N4BP3: variants seen among roughly 807,000 people sequenced by gnomAD.
The protein encoded by N4BP3 is NEDD4-binding protein 3.
N4BP3 carries 33 observed loss-of-function variants against 43.8 expected under a neutral mutation model. The ratio of observed to expected loss-of-function variants is 0.75; its 90% confidence interval spans 0.57 to 1.01. N4BP3 has a LOEUF of 1.01. Among genes scored for constraint, N4BP3 ranks in the 50% least tolerant of loss-of-function variants. The pLI is 0.00. For synonymous variants in N4BP3, 326 were observed against 321.9 expected, an observed-to-expected ratio of 1.01 and a Z score of -0.14; for missense variants, 756 against 744.2, an observed-to-expected ratio of 1.02 and a Z score of -0.18.
At chr5:178,119,143 C>T (rs965320056) in intron 1 of N4BP3, among the ~76,000 whole-genome samples, 16 of 152,304 alleles carry the variant, frequency 1.1e-4, no homozygotes, top group African/African-American at 2.9e-4. Flanking sequence ...GGATTACAGG[C>T]GTGAGCCACC....
Position 178,121,704 on chromosome 5 carries a change from C to T in N4BP3, c.1338C>T (p.Asp446=). ...EEAPGSCETD[D]CKSRGLLGEA... ...CCCCAGGCAGCTGTGAGACTGATGACTGCAAGAGCAGGGGCCTGCTAGGGG... is the reference window on the plus strand; with the variant it reads ...CCCCAGGCAGCTGTGAGACTGATGATTGCAAGAGCAGGGGCCTGCTAGGGG... Residue 446 remains aspartate (D), a synonymous_variant, in exon 5 of 5, where the codon GAC becomes GAT. Transcript: ENST00000274605. The T allele has an allele frequency of 6.2e-7, 1 of 1,610,228 alleles. No homozygotes were observed. The highest frequency in any genetic ancestry group is 8.5e-7 in the Non-Finnish European group (1 of 1,179,888).
At position 178,119,751 on chromosome 5, in the gene N4BP3, C is replaced by T. The variant is rs769910480; in HGVS notation, c.168C>T (p.Leu56=). Residue 56 remains leucine (L), a synonymous_variant, in exon 2 of 5, where the codon CTC becomes CTT. Coordinates refer to ENST00000274605, the MANE Select transcript of N4BP3 (RefSeq NM_015111.2). ...LRKGLGQREF[L]SYLHLPKKDS... ...AGGGCTTGGGCCAGCGTGAGTTCCT[C>T]AGCTACCTGCACCTCCCCAAGAAGG... is the stretch of plus-strand genomic sequence containing the variant. The T allele has an allele frequency of 4.3e-6, 7 of 1,613,462 alleles. No homozygotes were observed. The South Asian group carries it at 4.4e-5, about 10-fold the overall frequency.
intron 1 of N4BP3, among the ~76,000 whole-genome samples, chr5:178,114,156 C>T (rs2113274610): frequency 1.3e-5 from 2 of 152,336 alleles, no homozygotes; most frequent in Middle Eastern, 3.4e-3. Context: ...GGCCCAGCCG[C>T]TCCCGGCAGG....
chr5:178,119,454 GT>G, intron 1 of N4BP3, 99 bp from the exon 2 acceptor site: 1 of 842,226 alleles, frequency 1.2e-6, no homozygotes, highest in Admixed American at 3.1e-5. Flanking sequence ...CCTGGGCAAG[GT>G]TGTGGGGAGC....
Position 178,122,062 on chromosome 5 carries a change from C to A in N4BP3, c.*61C>A. ...AGAAGGTGCCCTGAGACGGCCGGCTCAGCCTTCCCTTGCACTGGTTGGGGT... is the reference window on the plus strand; with the variant it reads ...AGAAGGTGCCCTGAGACGGCCGGCTAAGCCTTCCCTTGCACTGGTTGGGGT... On this transcript the variant is annotated 3_prime_UTR_variant, in exon 5 of 5. Transcript: ENST00000274605. The A allele has an allele frequency of 6.7e-7, 1 of 1,501,146 alleles. No individual in the cohort carries two copies. The highest frequency in any genetic ancestry group is 8.9e-7 in the Non-Finnish European group (1 of 1,126,692). The allele number at this position is 1,501,146 out of a possible 1,614,324, so 93.0% of individuals were successfully genotyped here.
At chr5:178,126,264 C>T (rs973823300), downstream of N4BP3, among the ~76,000 whole-genome samples, 26 of 110,004 alleles carry the variant, frequency 2.4e-4, no homozygotes, top group Admixed American at 1.1e-3. Context: ...CTGCAACCTC[C>T]GCCTCCCGAG....
In N4BP3 at chr5:178,122,249, GC is replaced by G. The variant is rs1211670248; in HGVS notation, c.*251del. On this transcript the variant is annotated 3_prime_UTR_variant, in exon 5 of 5. Transcript: ENST00000274605. ...AGCCCTGCTTCCTGGAGTGGATGTG[GC>G]CCAGAGAAGGAGGCTGGGGGATCAC... is the stretch of plus-strand genomic sequence containing the variant. 9 of 473,740 alleles carry G rather than the reference GC, an allele frequency of 1.9e-5. No individual in the cohort carries two copies. In the Admixed American group the frequency reaches 2.3e-4, roughly 12 times the overall value. The allele number at this position is 473,740 out of a possible 1,614,324, so 29.3% of individuals were successfully genotyped here. A position where few individuals can be genotyped will look rare whatever the true frequency, so the allele number is the denominator to read the frequency against.
rs746335535 is a variant in N4BP3 at position 178,120,270 on chromosome 5, G to A, written c.423G>A (p.Lys141=). The A allele has an allele frequency of 1.9e-6, 3 of 1,610,628 alleles. No individual in the cohort carries two copies. The highest frequency in any genetic ancestry group is 2.2e-5 in the South Asian group (2 of 90,916). Residue 141 remains lysine, a synonymous_variant, in exon 3 of 5, where the codon AAG becomes AAA. Coordinates refer to ENST00000274605, the MANE Select transcript of N4BP3 (RefSeq NM_015111.2). ...GTCTGGCGTCCCACAAAGGCCAGAA[G>A]CTGTGGCGCAGCAATGGCAGCCTGC... ...MQSLASHKGQ[K]LWRSNGSLHT...
chr5:178,115,448 G>T (rs1216884354), intron 1 of N4BP3, among the ~76,000 whole-genome samples: 2 of 152,190 alleles, frequency 1.3e-5, no homozygotes, highest in Non-Finnish European at 2.9e-5. Flanking sequence ...ACCTTTCCCT[G>T]GGGCCAGGGC....
intron 2 of N4BP3, 100 bp downstream of exon 2, chr5:178,120,013 C>T (rs1051881879): frequency 2.1e-5 from 31 of 1,473,872 alleles, no homozygotes; most frequent in East Asian, 1.2e-4. Flanking sequence ...TGCTGAGATA[C>T]GAAAATCGTG....
Position 178,123,715 on chromosome 5 carries a change from G to GA in N4BP3, c.*1714_*1715insA, listed in dbSNP as rs1210296297. 6.5e-6 allele frequency: 1 copy of GA among 153,008 alleles called. No individual in the cohort carries two copies. The highest frequency in any genetic ancestry group is 2.4e-5 in the African/African-American group (1 of 41,464). 9.5% of individuals were successfully genotyped at this position (153,008 alleles called of 1,614,324 possible). ...GTAAAGATGTGCTTGTGGGTGGTGGGTGTGTCTGAGGGGGTGTGTTTGGGA... is the reference window on the plus strand; with the variant it reads ...GTAAAGATGTGCTTGTGGGTGGTGGGATGTGTCTGAGGGGGTGTGTTTGGGA... On this transcript the variant is annotated 3_prime_UTR_variant, in exon 5 of 5. Transcript: ENST00000274605.
Position 178,121,714 on chromosome 5 carries a change from A to T in N4BP3, c.1348A>T (p.Arg450Trp). 1.9e-6 allele frequency: 3 copies of T among 1,609,464 alleles called. No homozygotes were observed. In the South Asian group the frequency reaches 3.3e-5, roughly 18 times the overall value. The change falls in exon 5 of 5, where the codon AGG becomes TGG. Residue 450 changes from arginine (R) to tryptophan (W), a missense_variant. Coordinates refer to ENST00000274605, the MANE Select transcript of N4BP3 (RefSeq NM_015111.2). The part of the protein sequence containing the change: ...GSCETDDCKS[R>W]GLLGEAGGSE... ...CTGTGAGACTGATGACTGCAAGAGCAGGGGCCTGCTAGGGGAGGCAGGAGG... is the reference window on the plus strand; with the variant it reads ...CTGTGAGACTGATGACTGCAAGAGCTGGGGCCTGCTAGGGGAGGCAGGAGG...
rs769334283 is a variant in N4BP3 at position 178,121,591 on chromosome 5, C to T, written c.1225C>T (p.Arg409Trp). The T allele has an allele frequency of 5.0e-6, 8 of 1,613,222 alleles. No individual in the cohort carries two copies. Among genetic ancestry groups the T allele is most frequent in the African/African-American group, 4.0e-5 (3 of 74,936 alleles). ...TCTGAAGACACAACTTCGGGGCAGC[C>T]GGGCACAAGCCCAGGCTCAGGACGC... ...FSLKTQLRGS[R>W]AQAQAQDAEL... Residue 409 changes from arginine to tryptophan, a missense_variant, in exon 5 of 5, where the codon CGG (arginine) becomes TGG (tryptophan). By Grantham distance (101) the Arg-to-Trp change is moderately radical (BLOSUM62 -3). Coordinates refer to ENST00000274605, the MANE Select transcript of N4BP3 (RefSeq NM_015111.2).
chr5:178,126,890 C>T (rs1052506118), downstream of N4BP3, among the ~76,000 whole-genome samples: 10 of 152,178 alleles, frequency 6.6e-5, no homozygotes, highest in Non-Finnish European at 1.5e-5. Flanking sequence ...CGTCTGCTGC[C>T]ACCTCCTCCC....
intron 3 of N4BP3, 22 bp from the exon 4 acceptor site, chr5:178,121,076 A>G (rs1757907582): frequency 6.3e-7 from 1 of 1,591,412 alleles, no homozygotes; most frequent in African/African-American, 1.3e-5. Flanking sequence ...GCCACGGTGG[A>G]TGCATCTCTT....
rs772894526 is a variant in N4BP3, at chr5:178,120,677, ACGGCTC to A, written c.832_837del (p.Gly278_Ser279del). ...CTCAAGAGGGGCCTTGGCGATGAGG[ACGGCTC>A]CAACCCCTTCACGCAGGTGAGGGAG... On this transcript the variant is annotated inframe_deletion, in exon 3 of 5. Transcript: ENST00000274605. 1.3e-6 allele frequency: 2 copies of A among 1,598,892 alleles called. No individual in the cohort carries two copies. Among genetic ancestry groups the A allele is most frequent in the Non-Finnish European group, 1.7e-6 (2 of 1,178,940 alleles).
At chr5:178,120,805 G>C in intron 3 of N4BP3, 106 bp downstream of exon 3, 1 of 1,396,214 alleles carries the variant, frequency 7.2e-7, no homozygotes, top group East Asian at 2.5e-5. Context: ...GGACACAAGA[G>C]AGCAAGAAAG....
In N4BP3 at chr5:178,125,727, C is replaced by T. The variant is rs1488397189; in HGVS notation, c.*3726C>T. On this transcript the variant is annotated 3_prime_UTR_variant, in exon 5 of 5. Coordinates refer to ENST00000274605, the MANE Select transcript of N4BP3 (RefSeq NM_015111.2). ...TCTCATGGTTTCATTTTGCTTTGGG[C>T]TTACTTAGAGTTTTGGCAAATGCAG... 6.6e-6 allele frequency: 1 copy of T among 152,190 alleles called. No homozygotes were observed. Among genetic ancestry groups the T allele is most frequent in the African/African-American group, 2.4e-5 (1 of 41,420 alleles). 9.4% of individuals were successfully genotyped at this position (152,190 alleles called of 1,614,324 possible).
chr5:178,119,842 T>C lies in N4BP3; in HGVS notation c.259T>C (p.Tyr87His), dbSNP rs769664939. Residue 87 changes from tyrosine to histidine, a missense_variant, in exon 2 of 5, where the codon TAC (tyrosine) becomes CAC (histidine). Coordinates refer to ENST00000274605, the MANE Select transcript of N4BP3 (RefSeq NM_015111.2). Reference sequence around the variant, plus strand: ...CGAGCCTGCCGACTATGCCACCCTCTACTACCGGGAACATTCTCGCGCGGG... The same window carrying C: ...CGAGCCTGCCGACTATGCCACCCTCCACTACCGGGAACATTCTCGCGCGGG... ...RNEPADYATL[Y>H]YREHSRAGDF... The C allele has an allele frequency of 1.1e-5, 18 of 1,613,032 alleles. No individual in the cohort carries two copies. The highest frequency in any genetic ancestry group is 1.5e-5 in the Non-Finnish European group (18 of 1,179,968).
Sources: allele counts gnomAD v4.1 joint callset (sites outside exome capture counted in the v4.1 genomes callset), GRCh38; gene constraint gnomAD v4.1.1; transcripts MANE v1.5; gene names NCBI Gene and HGNC (gene_info 2026-07-23, HGNC 2026-07-21).